The following IFTAP variants were observed in gnomAD, a reference collection of about 807,000 sequenced individuals.
IFTAP encodes intraflagellar transport associated protein.
A neutral mutation model predicts 19.4 loss-of-function variants in IFTAP; 19 were observed. That is an observed-to-expected ratio of 0.98 (90% confidence interval 0.68 to 1.44). The LOEUF is 1.44. Among genes scored for constraint, IFTAP ranks in the 40% most tolerant of loss-of-function variants. IFTAP has a pLI of 0.00. For missense variants in IFTAP, 240 were observed against 253.6 expected, an observed-to-expected ratio of 0.95 and a Z score of 0.36; for synonymous variants, 85 against 83.5, an observed-to-expected ratio of 1.02 and a Z score of -0.10.
chr11:36,653,843 A>T (rs1351394686), intron 5 of IFTAP, among the ~76,000 whole-genome samples: 1 of 152,188 alleles, frequency 6.6e-6, no homozygotes, highest in Admixed American at 6.6e-5. Flanking sequence ...GGCATACAGT[A>T]AACATTTATT....
Position 36,633,414 on chromosome 11 carries a change from T to G in IFTAP, c.267T>G (p.Thr89=), listed in dbSNP as rs765348931. The G allele has an allele frequency of 2.5e-6, 4 of 1,596,388 alleles. No individual in the cohort carries two copies. The highest frequency in any genetic ancestry group is 3.5e-5 in the Admixed American group (2 of 57,372). ...GAAATAAAACCATCTTTCTTCGTAC[T>G]TCATCACAATGTTTGGAAGAACAGG... The part of the protein sequence containing the change: ...HLRNKTIFLR[T]SSQCLEEQVD... The change falls in exon 3 of 6, where the codon ACT becomes ACG. Residue 89 remains threonine, a synonymous_variant. Coordinates refer to ENST00000334307, the MANE Select transcript of IFTAP (RefSeq NM_138787.4).
chr11:36,643,300 G>C (rs780738971), intron 4 of IFTAP, among the ~76,000 whole-genome samples: 1 of 152,088 alleles, frequency 6.6e-6, no homozygotes, highest in Non-Finnish European at 1.5e-5. Flanking sequence ...GGGATGTGAA[G>C]GACCTCTTCA....
rs530575786 is a variant in IFTAP at position 36,622,315 on chromosome 11, C to T, written c.137-10969C>T. 2.6e-5 allele frequency among the ~76,000 whole-genome samples: 4 copies of T among 152,172 alleles called. No homozygotes were observed. In the East Asian group the frequency reaches 7.7e-4, roughly 29 times the overall value. On this transcript the variant is annotated intron_variant, in intron 2 of 5. Transcript: ENST00000334307. ...TAAAAAAGAGGGAAAAATTACTCCT[C>T]CTAACTTTCTCCAGTGTAGGTGAGT...
chr11:36,634,606 A>G (rs1488266970), intron 3 of IFTAP, among the ~76,000 whole-genome samples: 1 of 152,170 alleles, frequency 6.6e-6, no homozygotes, highest in African/African-American at 2.4e-5. Flanking sequence ...ATGAAGGCCA[A>G]AAAGTATTTT....
At position 36,656,986 on chromosome 11, in the gene IFTAP, C is replaced by A. The variant is rs573807506; in HGVS notation, c.499-2033C>A. ...GTGAGGATGGCTAGTAAGGTGTAGG[C>A]AGGTTTTAGAGGCTTGAAGGTAGAA... On this transcript the variant is annotated intron_variant, in intron 5 of 5. Coordinates refer to ENST00000334307, the MANE Select transcript of IFTAP (RefSeq NM_138787.4). Among the ~76,000 whole-genome samples the A allele has an allele frequency of 1.4e-4, 21 of 152,000 alleles. No homozygotes were observed. The South Asian group carries it at 1.7e-3, about 12-fold the overall frequency.
chr11:36,642,570 A>T (rs994974415), intron 4 of IFTAP, among the ~76,000 whole-genome samples: 19 of 152,126 alleles, frequency 1.2e-4, no homozygotes, highest in African/African-American at 4.1e-4. Flanking sequence ...AGAATTTTAG[A>T]CCAATATCCC....
chr11:36,611,819 T>A (rs1041890980), intron 2 of IFTAP, among the ~76,000 whole-genome samples: 1 of 152,080 alleles, frequency 6.6e-6, no homozygotes, highest in Non-Finnish European at 1.5e-5. Flanking sequence ...ATGACCAAAT[T>A]ATCTTTTAGT....
At chr11:36,644,359 G>A (rs991255331) in intron 4 of IFTAP, among the ~76,000 whole-genome samples, 2 of 152,150 alleles carry the variant, frequency 1.3e-5, no homozygotes, top group African/African-American at 2.4e-5. Context: ...ACAGGTGCTG[G>A]AGAGGATGTG....
chr11:36,611,814 C>A, intron 2 of IFTAP, among the ~76,000 whole-genome samples: 1 of 151,890 alleles, frequency 6.6e-6, no homozygotes, highest in Non-Finnish European at 1.5e-5. Flanking sequence ...TGATAATGAC[C>A]AAATTATCTT....
intron 2 of IFTAP, among the ~76,000 whole-genome samples, chr11:36,612,459 G>T (rs1851910257): frequency 6.6e-6 from 1 of 152,094 alleles, no homozygotes; most frequent in Non-Finnish European, 1.5e-5. Flanking sequence ...TTAGGGACAG[G>T]TCTGAGAGTT....
chr11:36,612,099 C>T (rs572194717), intron 2 of IFTAP, among the ~76,000 whole-genome samples: 1 of 151,984 alleles, frequency 6.6e-6, no homozygotes, highest in African/African-American at 2.4e-5. Context: ...GGTTATAATA[C>T]ATTTACTTTT....
At chr11:36,648,526 G>T (rs1385908379) in intron 5 of IFTAP, among the ~76,000 whole-genome samples, 3 of 152,094 alleles carry the variant, frequency 2.0e-5, no homozygotes, top group Admixed American at 1.3e-4. Context: ...GGTAAGGCCA[G>T]GCTGCTATAA....
At position 36,612,279 on chromosome 11, in the gene IFTAP, T is replaced by G. The variant is rs368071390; in HGVS notation, c.136+2040T>G. Among the ~76,000 whole-genome samples, 59 of 148,274 alleles carry G rather than the reference T, an allele frequency of 4.0e-4. No homozygotes were observed. The East Asian group carries it at 9.7e-3, about 24-fold the overall frequency. On this transcript the variant is annotated intron_variant, in intron 2 of 5. Coordinates refer to ENST00000334307, the MANE Select transcript of IFTAP (RefSeq NM_138787.4). ...AAACTGCATCTCCAAGCACACTAGT[T>G]GTTTTTTTTTTTCTTTCAAAATATC...
chr11:36,620,818 A>G (rs1852261088), intron 2 of IFTAP, among the ~76,000 whole-genome samples: 1 of 151,896 alleles, frequency 6.6e-6, no homozygotes, highest in Non-Finnish European at 1.5e-5. Flanking sequence ...TGTATTTTTC[A>G]TACACATAAA....
intron 2 of IFTAP, among the ~76,000 whole-genome samples, chr11:36,611,785 A>G (rs1851885147): frequency 6.6e-6 from 1 of 152,106 alleles, no homozygotes; most frequent in African/African-American, 2.4e-5. Flanking sequence ...TGGACATAAC[A>G]TGTAGATCAA....
intron 1 of IFTAP, among the ~76,000 whole-genome samples, chr11:36,605,789 A>G (rs564950905): frequency 6.6e-6 from 1 of 152,354 alleles, no homozygotes; most frequent in East Asian, 1.9e-4. Flanking sequence ...ACTTATCACA[A>G]GACGTTTTGA....
chr11:36,638,037 T>C (rs12804142), intron 4 of IFTAP, among the ~76,000 whole-genome samples: 52,775 of 151,706 alleles, frequency 0.35, 11,581 homozygotes, highest in East Asian at 0.63. Flanking sequence ...CATGCTGCCA[T>C]GCCTGGCTAA....
chr11:36,607,185 G>C (rs1376169995), intron 1 of IFTAP, among the ~76,000 whole-genome samples: 1 of 152,142 alleles, frequency 6.6e-6, no homozygotes, highest in Non-Finnish European at 1.5e-5. Context: ...AGTTGAGTGG[G>C]CACAGTTATA....
intron 5 of IFTAP, among the ~76,000 whole-genome samples, chr11:36,648,686 A>G (rs541132219): frequency 9.2e-5 from 14 of 152,236 alleles, no homozygotes; most frequent in South Asian, 8.3e-4. Context: ...GATGTCCATT[A>G]TATTTTAGGA....
Sources: allele counts gnomAD v4.1 joint callset (sites outside exome capture counted in the v4.1 genomes callset), GRCh38; gene constraint gnomAD v4.1.1; transcripts MANE v1.5; gene names NCBI Gene and HGNC (gene_info 2026-07-23, HGNC 2026-07-21).